Variants in HEATR5B observed in about 807,000 individuals in gnomAD.
HEATR5B encodes HEAT repeat containing 5B, also known as HEAT repeat-containing protein 5B.
A neutral mutation model predicts 224.1 loss-of-function variants in HEATR5B; 156 were observed. The observed-to-expected ratio is 0.70, with a 90% CI of 0.61 to 0.80. HEATR5B has a LOEUF of 0.80. Among genes scored for constraint, HEATR5B ranks in the 30% least tolerant of loss-of-function variants. HEATR5B has a pLI of 0.00. For missense variants in HEATR5B, 2,323 were observed against 2,535.5 expected (o/e 0.92, Z 1.80); for synonymous variants, 1,027 against 893.0 (o/e 1.15, Z -2.68).
At chr2:37,027,138 G>A (rs114141072) in intron 24 of HEATR5B, among the ~76,000 whole-genome samples, 36 of 149,754 alleles carry the variant, frequency 2.4e-4, no homozygotes, top group African/African-American at 8.8e-4. Flanking sequence ...GAGCTCTGCT[G>A]CTTCTTATAC....
intron 26 of HEATR5B, among the ~76,000 whole-genome samples, chr2:37,014,919 G>T (rs542924213): frequency 1.3e-5 from 2 of 152,102 alleles, no homozygotes; most frequent in East Asian, 1.9e-4. Flanking sequence ...AGAGGTTGCA[G>T]TGAGCCGAGA....
chr2:37,030,929 A>T (rs1293462974), intron 22 of HEATR5B, among the ~76,000 whole-genome samples: 1 of 152,228 alleles, frequency 6.6e-6, no homozygotes, highest in South Asian at 2.1e-4. Flanking sequence ...CCCTGATAAA[A>T]GTGGCTCGCT....
chr2:37,002,449 C>T lies in HEATR5B; in HGVS notation c.5174G>A (p.Arg1725Gln), dbSNP rs139810783. The T allele has an allele frequency of 1.9e-6, 3 of 1,614,038 alleles. No individual in the cohort carries two copies. The highest frequency in any genetic ancestry group is 2.2e-5 in the East Asian group (1 of 44,896). ...CTTGGTACTGAGATGTGGCATATGC[C>T]GTACTAAAATGAACATCAGCAGCTC... ...TMELLMFILV[R>Q]HMPHLSTKVS... is the part of the protein sequence containing the mutation. The change falls in exon 32 of 36, where the codon CGG becomes CAG. Residue 1725 changes from arginine to glutamine, a missense_variant. Physicochemically the swap from Arg to Gln is conservative, Grantham distance 43. Coordinates refer to ENST00000233099, the MANE Select transcript of HEATR5B (RefSeq NM_019024.3).
At chr2:37,079,377 TTG>T in intron 2 of HEATR5B, 46 bp from the exon 3 acceptor site, 2 of 1,034,608 alleles carry the variant, frequency 1.9e-6, no homozygotes, top group Non-Finnish European at 2.8e-6. Context: ...AAAATTTTTT[TTG>T]TTACCTTTTA....
In HEATR5B at chr2:37,060,750, G is replaced by A. The variant is rs369668578; in HGVS notation, c.1697-17C>T. The stretch of plus-strand genomic sequence containing the variant: ...CAGATGGTCCTAGCCAAGAAAATGA[G>A]AATACAAAACCATGTATATGTAACA... On this transcript the variant is annotated splice_polypyrimidine_tract_variant and intron_variant, in intron 11 of 35. Coordinates refer to ENST00000233099, the MANE Select transcript of HEATR5B (RefSeq NM_019024.3). 3 of 1,606,318 alleles carry A rather than the reference G, an allele frequency of 1.9e-6. No homozygotes were observed. The highest frequency in any genetic ancestry group is 2.6e-6 in the Non-Finnish European group (3 of 1,175,568).
intron 24 of HEATR5B, 136 bp from the exon 25 acceptor site, chr2:37,020,972 T>C: frequency 8.7e-6 from 5 of 576,996 alleles, no homozygotes; most frequent in South Asian, 2.6e-5. Context: ...AGCAAAGATA[T>C]TATATTCTTT....
chr2:37,053,693 T>A, intron 16 of HEATR5B, 86 bp from the exon 17 acceptor site: 1 of 680,114 alleles, frequency 1.5e-6, no homozygotes. Context: ...TACAAGTTAA[T>A]TGTTTAGCAA....
intron 18 of HEATR5B, among the ~76,000 whole-genome samples, chr2:37,042,319 T>C (rs1198490482): frequency 6.6e-6 from 1 of 152,172 alleles, no homozygotes; most frequent in Non-Finnish European, 1.5e-5. Context: ...ATACATGGAT[T>C]TCAACATTTT....
Position 37,068,548 on chromosome 2 carries a change from G to A in HEATR5B, c.1177+133C>T. The A allele has an allele frequency of 4.5e-6, 4 of 885,222 alleles. No individual in the cohort carries two copies. The South Asian group carries it at 5.3e-5, about 12-fold the overall frequency. The allele number at this position is 885,222 out of a possible 1,614,324, so 54.8% of individuals were successfully genotyped here. A position where few individuals can be genotyped will look rare whatever the true frequency, so the allele number is the denominator to read the frequency against. On this transcript the variant is annotated intron_variant, in intron 8 of 35. Transcript: ENST00000233099. ...ATTATGTGATTTTAATATCAAATAAGAGTACTCAATAAAAATCACTATGAA... is the reference window on the plus strand; with the variant it reads ...ATTATGTGATTTTAATATCAAATAAAAGTACTCAATAAAAATCACTATGAA...
At chr2:37,007,414 G>C (rs1160995518) in intron 28 of HEATR5B, 110 bp from the exon 29 acceptor site, 2 of 1,192,542 alleles carry the variant, frequency 1.7e-6, no homozygotes, top group Non-Finnish European at 2.3e-6. Context: ...TGCGATCTTG[G>C]CTCACTGCAA....
intron 6 of HEATR5B, among the ~76,000 whole-genome samples, chr2:37,070,620 G>A (rs922521907): frequency 4.6e-5 from 7 of 152,188 alleles, no homozygotes; most frequent in South Asian, 2.1e-4. Flanking sequence ...ATAAATCTAC[G>A]CAAAATAGTC....
At chr2:37,021,555 T>A (rs1668458101) in intron 24 of HEATR5B, among the ~76,000 whole-genome samples, 1 of 152,136 alleles carries the variant, frequency 6.6e-6, no homozygotes, top group African/African-American at 2.4e-5. Context: ...CGTAACTGAC[T>A]TTTTCCTGTA....
intron 17 of HEATR5B, among the ~76,000 whole-genome samples, chr2:37,052,314 G>A (rs1318281554): frequency 6.6e-6 from 1 of 152,138 alleles, no homozygotes; most frequent in Non-Finnish European, 1.5e-5. Flanking sequence ...GCCCACCTTG[G>A]ATGTCTGAAC....
intron 32 of HEATR5B, among the ~76,000 whole-genome samples, chr2:37,001,186 T>C (rs565846057): frequency 6.6e-6 from 1 of 152,328 alleles, no homozygotes; most frequent in East Asian, 1.9e-4. Flanking sequence ...ATGAGTTTTA[T>C]AGCACTTGTA....
At chr2:37,001,945 G>C (rs988635076) in intron 32 of HEATR5B, among the ~76,000 whole-genome samples, 2 of 152,184 alleles carry the variant, frequency 1.3e-5, no homozygotes, top group African/African-American at 4.8e-5. Context: ...GGGATTATAG[G>C]CATGAGCCAC....
rs116797455 is a variant in HEATR5B, at chr2:37,020,344, A to C, written c.4035+311T>G. Among the ~76,000 whole-genome samples, 461 of 152,354 alleles carry C rather than the reference A, an allele frequency of 3.0e-3. 2 individuals are homozygous for C. The highest frequency in any genetic ancestry group is 5.5e-3 in the Non-Finnish European group (372 of 68,038). The stretch of plus-strand genomic sequence containing the variant: ...GCAGCAAATCCACAACACTCTTTTG[A>C]AGGTTCCTTTTATCTCTTAAAGGGC... On this transcript the variant is annotated intron_variant, in intron 25 of 35. Coordinates refer to ENST00000233099, the MANE Select transcript of HEATR5B (RefSeq NM_019024.3).
At position 37,076,961 on chromosome 2, in the gene HEATR5B, C is replaced by T. The variant is rs369680339; in HGVS notation, c.397G>A (p.Ala133Thr). 3.1e-6 allele frequency: 5 copies of T among 1,613,972 alleles called. No homozygotes were observed. Among genetic ancestry groups the T allele is most frequent in the African/African-American group, 1.3e-5 (1 of 74,916 alleles). The change falls in exon 4 of 36, where the codon GCA becomes ACA. Residue 133 changes from alanine to threonine, a missense_variant. Transcript: ENST00000233099. ...AGATTATTTACCGTTTCTGGAAATG[C>T]GCTGCCCAACATTCTCCCCATTTTT... ...YEKMGRMLGS[A>T]FPETVNNLLK...
At chr2:37,025,716 A>G (rs1668728229) in intron 24 of HEATR5B, among the ~76,000 whole-genome samples, 1 of 152,212 alleles carries the variant, frequency 6.6e-6, no homozygotes, top group Non-Finnish European at 1.5e-5. Context: ...AAAGGACAAG[A>G]CACAATGAGG....
intron 21 of HEATR5B, among the ~76,000 whole-genome samples, chr2:37,033,572 A>G (rs1198623923): frequency 6.6e-6 from 1 of 152,256 alleles, no homozygotes; most frequent in East Asian, 1.9e-4. Flanking sequence ...AAAAAATTGC[A>G]AAATGGGGCC....
Sources: gnomAD v4.1 joint callset for allele counts (sites outside exome capture counted in the v4.1 genomes callset) on GRCh38, gnomAD v4.1.1 for gene constraint, MANE v1.5 for transcripts, NCBI Gene and HGNC (gene_info 2026-07-23, HGNC 2026-07-21) for gene names.